Variants in SAFB2 observed in about 807,000 individuals in gnomAD.
SAFB2 encodes the protein scaffold attachment factor B2.
SAFB2 carries 32 observed loss-of-function variants against 100.6 expected under a neutral mutation model. The observed-to-expected ratio is 0.32, with a 90% CI of 0.24 to 0.43. The LOEUF (loss-of-function observed/expected upper bound fraction) is 0.43. SAFB2 is among the 20% of genes least tolerant of loss of function. SAFB2 has a pLI of 1.00. For synonymous variants in SAFB2, 500 were observed against 439.4 expected, an observed-to-expected ratio of 1.14 and a Z score of -1.72; for missense variants, 1,185 against 1,163.4, an observed-to-expected ratio of 1.02 and a Z score of -0.27.
intron 9 of SAFB2, 126 bp downstream of exon 9, chr19:5,609,869 C>G (rs924485540): frequency 1.3e-6 from 1 of 799,396 alleles, no homozygotes; most frequent in African/African-American, 1.7e-5. Context: ...AACTCCTGGG[C>G]TCAAGCAATC....
chr19:5,595,118 G>A (rs1053499304), intron 14 of SAFB2, among the ~76,000 whole-genome samples: 8 of 152,164 alleles, frequency 5.3e-5, no homozygotes, highest in African/African-American at 7.2e-5. Flanking sequence ...CAAAGTGCTC[G>A]GATTACAGGT....
intron 2 of SAFB2, among the ~76,000 whole-genome samples, chr19:5,619,131 C>G (rs922480453): frequency 2.0e-5 from 3 of 152,220 alleles, no homozygotes; most frequent in African/African-American, 7.2e-5. Context: ...TCCTCCTGAT[C>G]TAACAGTTGT....
rs1232767409 is a variant in SAFB2, at chr19:5,615,576, C to T, written c.543+556G>A. ...AAAAATTTTTTTTTAATTAGCTGGG[C>T]GTGGTGGTTCACTGTGTAGTCTCAG... On this transcript the variant is annotated intron_variant, in intron 4 of 20. Transcript: ENST00000252542. Among the ~76,000 whole-genome samples the T allele has an allele frequency of 2.6e-5, 4 of 151,748 alleles. No homozygotes were observed. In the South Asian group the frequency reaches 6.2e-4, roughly 24 times the overall value.
At chr19:5,612,043 C>G (rs938612740) in intron 6 of SAFB2, 1 of 349,268 alleles carries the variant, frequency 2.9e-6, no homozygotes, top group Non-Finnish European at 5.4e-6. Context: ...ATATGAAAAT[C>G]AGAATCTCTT....
chr19:5,601,313 G>A (rs548965073), intron 11 of SAFB2, among the ~76,000 whole-genome samples: 9 of 152,248 alleles, frequency 5.9e-5, no homozygotes, highest in African/African-American at 1.4e-4. Flanking sequence ...CTGCCTGACC[G>A]CAGTAATCTA....
intron 14 of SAFB2, among the ~76,000 whole-genome samples, chr19:5,594,881 C>T (rs553580222): frequency 6.6e-6 from 1 of 152,312 alleles, no homozygotes; most frequent in East Asian, 1.9e-4. Flanking sequence ...CAGGGTCTCA[C>T]TCTGTCACCC....
At chr19:5,593,014 G>T in intron 15 of SAFB2, 127 bp from the exon 16 acceptor site, 1 of 817,050 alleles carries the variant, frequency 1.2e-6, no homozygotes, top group Non-Finnish European at 1.9e-6. Flanking sequence ...TGTCCTGCAG[G>T]GCTAATCTCT....
chr19:5,595,972 A>G (rs2052528455), intron 13 of SAFB2, among the ~76,000 whole-genome samples: 1 of 152,214 alleles, frequency 6.6e-6, no homozygotes, highest in African/African-American at 2.4e-5. Context: ...AGCTCTAAAT[A>G]GAATATGCCA....
chr19:5,591,743 C>T lies in SAFB2; in HGVS notation c.2394+5G>A, dbSNP rs1224290064. 2 of 1,613,766 alleles carry T rather than the reference C, an allele frequency of 1.2e-6. No homozygotes were observed. The highest frequency in any genetic ancestry group is 2.2e-5 in the East Asian group (1 of 44,866). On this transcript the variant is annotated splice_donor_5th_base_variant and intron_variant, in intron 17 of 20. Coordinates refer to ENST00000252542, the MANE Select transcript of SAFB2 (RefSeq NM_014649.3). ...CCCAGGGCTTGGCATCGGGGCTCTACTCACCTGCCCATCCCGGTGGTCTCC... is the reference window on the plus strand; with the variant it reads ...CCCAGGGCTTGGCATCGGGGCTCTATTCACCTGCCCATCCCGGTGGTCTCC...
intron 11 of SAFB2, among the ~76,000 whole-genome samples, chr19:5,603,169 G>A (rs1489292893): frequency 6.6e-6 from 1 of 152,168 alleles, no homozygotes; most frequent in Admixed American, 6.5e-5. Context: ...TAGGGAGGCT[G>A]AGGTGGGAGG....
intron 13 of SAFB2, among the ~76,000 whole-genome samples, chr19:5,596,787 C>T (rs1223196345): frequency 2.0e-5 from 3 of 152,080 alleles, no homozygotes; most frequent in Non-Finnish European, 4.4e-5. Context: ...GAACCTGAGG[C>T]CTCCTGCTGA....
chr19:5,608,547 T>A (rs1413877447), intron 9 of SAFB2, among the ~76,000 whole-genome samples: 1 of 152,216 alleles, frequency 6.6e-6, no homozygotes, highest in Non-Finnish European at 1.5e-5. Flanking sequence ...TCCTGTCCGC[T>A]TCTTAAGCAA....
Position 5,594,114 on chromosome 19 carries a change from G to C in SAFB2, c.1984C>G (p.Arg662Gly). Residue 662 changes from arginine to glycine, a missense_variant, in exon 15 of 21, where the codon CGG (arginine) becomes GGG (glycine). This residue lies in a region of SAFB2 where 740 missense variants were observed against 687.1 expected (regional missense o/e 1.08). Transcript: ENST00000252542. ...AGCTGCAGGCGTTCCCGCTGTAGCC[G>C]GGCCTTCTCCTTCCGCTCATGGAAG... ...EAFHERKEKA[R>G]LQRERLQLEC... 2.5e-6 allele frequency: 4 copies of C among 1,601,608 alleles called. No homozygotes were observed. The highest frequency in any genetic ancestry group is 1.1e-5 in the South Asian group (1 of 90,336).
At chr19:5,599,956 A>G (rs891381714) in intron 12 of SAFB2, among the ~76,000 whole-genome samples, 174 bp downstream of exon 12, 12 of 152,170 alleles carry the variant, frequency 7.9e-5, no homozygotes, top group Non-Finnish European at 1.5e-4. Context: ...CCGATGTTGT[A>G]TGGACACTCC....
At chr19:5,617,501 G>A (rs150332347) in intron 2 of SAFB2, among the ~76,000 whole-genome samples, 2 of 152,274 alleles carry the variant, frequency 1.3e-5, no homozygotes, top group African/African-American at 2.4e-5. Flanking sequence ...TAGGATATCT[G>A]ACAAGGAGTT....
At chr19:5,610,738 CA>C in intron 7 of SAFB2, 50 bp from the exon 8 acceptor site, 5 of 1,289,532 alleles carry the variant, frequency 3.9e-6, no homozygotes, top group Non-Finnish European at 5.5e-6. Context: ...CGAAAGAGAA[CA>C]AAACTAAAAA....
At chr19:5,619,951 CT>C (rs2053107245) in intron 2 of SAFB2, among the ~76,000 whole-genome samples, 1 of 151,834 alleles carries the variant, frequency 6.6e-6, no homozygotes, top group Admixed American at 6.6e-5. Flanking sequence ...ACATAAAAAA[CT>C]TTTAAACTTT....
rs769046094 is a variant in SAFB2 at position 5,621,290 on chromosome 19, A to G, written c.274+19T>C. ...AAATTCTCTGAACACTCAAGCCCCA[A>G]GCAGCATATGTACAATACCTTTAAC... On this transcript the variant is annotated intron_variant, in intron 2 of 20. Transcript: ENST00000252542. The G allele has an allele frequency of 2.0e-6, 3 of 1,526,268 alleles. No homozygotes were observed. The highest frequency in any genetic ancestry group is 2.7e-6 in the Non-Finnish European group (3 of 1,099,894). The allele number at this position is 1,526,268 out of a possible 1,614,324, so 94.5% of individuals were successfully genotyped here. A position where few individuals can be genotyped will look rare whatever the true frequency, so the allele number is the denominator to read the frequency against.
At chr19:5,603,179 G>T (rs1345239285) in intron 11 of SAFB2, among the ~76,000 whole-genome samples, 1 of 152,110 alleles carries the variant, frequency 6.6e-6, no homozygotes, top group African/African-American at 2.4e-5. Flanking sequence ...GAGGTGGGAG[G>T]TTCACTTGGG....
Sources: gnomAD v4.1 joint callset for allele counts (sites outside exome capture counted in the v4.1 genomes callset) on GRCh38, gnomAD v4.1.1 for gene constraint, gnomAD v4.1.1 regional missense constraint, MANE v1.5 for transcripts, NCBI Gene and HGNC (gene_info 2026-07-23, HGNC 2026-07-21) for gene names.